Variants in INTS6 observed in about 807,000 individuals in gnomAD.
INTS6 encodes DEAD box protein.
INTS6 carries 16 observed loss-of-function variants against 104.9 expected under a neutral mutation model. The observed-to-expected ratio is 0.15, with a 90% confidence interval of 0.10 to 0.23. The LOEUF (loss-of-function observed/expected upper bound fraction) is 0.23, where lower values mean the gene tolerates loss of function less well. Among genes scored for constraint, INTS6 ranks in the 10% least tolerant of loss-of-function variants. INTS6 has a pLI of 1.00. For synonymous variants in INTS6, 324 were observed against 358.7 expected (o/e 0.90, Z 1.09); for missense variants, 584 against 1,062.8 (o/e 0.55, Z 6.26).
At chr13:51,420,690 T>C (rs116565287) in intron 4 of INTS6, among the ~76,000 whole-genome samples, 34 of 151,318 alleles carry the variant, frequency 2.2e-4, no homozygotes, top group African/African-American at 7.5e-4. Context: ...ACCCTGATAA[T>C]TGGTAATACC....
chr13:51,364,417 TA>T lies in INTS6; in HGVS notation c.*1334del. The T allele has an allele frequency of 2.0e-6, 1 of 492,110 alleles. No homozygotes were observed. The highest frequency in any genetic ancestry group is 3.5e-6 in the Non-Finnish European group (1 of 283,932). The allele number at this position is 492,110 out of a possible 1,614,324, so 30.5% of individuals were successfully genotyped here. ...TATGTGATTTTCAATATTATAAACC[TA>T]AAAATACTTCAGTTTTTAAATGTTA... On this transcript the variant is annotated 3_prime_UTR_variant, in exon 18 of 18. Transcript: ENST00000311234.
intron 4 of INTS6, among the ~76,000 whole-genome samples, chr13:51,399,676 T>A (rs1182765358): frequency 6.6e-6 from 1 of 151,998 alleles, no homozygotes; most frequent in East Asian, 1.9e-4. Flanking sequence ...AACACTTAGT[T>A]TTGGCTGTCT....
chr13:51,396,639 G>A (rs554157332), intron 4 of INTS6, among the ~76,000 whole-genome samples: 60 of 152,196 alleles, frequency 3.9e-4, no homozygotes, highest in African/African-American at 1.4e-3. Context: ...GAAAAGATTC[G>A]ACCTGAATTG....
At chr13:51,426,500 G>T (rs9568594) in intron 4 of INTS6, among the ~76,000 whole-genome samples, 11,364 of 151,962 alleles carry the variant, frequency 0.075, 620 homozygotes, top group African/African-American at 0.15. Flanking sequence ...CTATAAAAAT[G>T]CACATTATAC....
downstream of INTS6, among the ~76,000 whole-genome samples, chr13:51,361,081 GAGTC>G: frequency 6.6e-6 from 1 of 151,964 alleles, no homozygotes; most frequent in Non-Finnish European, 1.5e-5. Flanking sequence ...GTAACATATT[GAGTC>G]TTAAGAATTT....
At chr13:51,432,344 A>G (rs1364980172) in intron 3 of INTS6, among the ~76,000 whole-genome samples, 1 of 152,192 alleles carries the variant, frequency 6.6e-6, no homozygotes, top group Non-Finnish European at 1.5e-5. Context: ...TAATTTAAAT[A>G]TGAATTTAAA....
chr13:51,351,612 A>C (rs372342246), downstream of INTS6, among the ~76,000 whole-genome samples: 1 of 152,068 alleles, frequency 6.6e-6, no homozygotes, highest in East Asian at 1.9e-4. Context: ...GTGTCCTTTG[A>C]AGCACAAAAG....
chr13:51,343,005 C>T, the INTS6 span, among the ~76,000 whole-genome samples: 276 of 152,240 alleles, frequency 1.8e-3, 1 homozygote, highest in Middle Eastern at 0.02. Flanking sequence ...TACTATTGTC[C>T]TCTGCAGCCT....
downstream of INTS6, among the ~76,000 whole-genome samples, chr13:51,352,200 G>A (rs1266047025): frequency 6.6e-6 from 1 of 152,072 alleles, no homozygotes. Flanking sequence ...AATTTGGTGA[G>A]TATTACTTTC....
At chr13:51,423,081 T>G (rs1956924033) in intron 4 of INTS6, 1 of 1,280,934 alleles carries the variant, frequency 7.8e-7, no homozygotes, top group Non-Finnish European at 1.0e-6. Flanking sequence ...CATCTGTGTG[T>G]CCCCAGTACC....
At position 51,369,005 on chromosome 13, in the gene INTS6, T is replaced by G; in HGVS notation, c.2410A>C (p.Ser804Arg). ...AGTTCAGTATTGACCTCTTCATGGCTTCTGCAATGCATCAATTTCTTTCCT... is the reference window on the plus strand; with the variant it reads ...AGTTCAGTATTGACCTCTTCATGGCGTCTGCAATGCATCAATTTCTTTCCT... ...NKGKKLMHCR[S>R]HEEVNTELKA... The change falls in exon 16 of 18, where the codon AGC becomes CGC. Residue 804 changes from serine to arginine, a missense_variant. Physicochemically the swap from Ser to Arg is moderately radical, Grantham distance 110 (BLOSUM62 -1). Around this residue, in one of 5 missense-constraint regions of INTS6, gnomAD observed 296 missense variants for 437.0 expected, o/e 0.68. Transcript: ENST00000311234. 1 of 1,613,832 alleles carries G rather than the reference T, an allele frequency of 6.2e-7. No individual in the cohort carries two copies. Among genetic ancestry groups the G allele is most frequent in the Non-Finnish European group, 8.5e-7 (1 of 1,179,808 alleles).
At position 51,383,466 on chromosome 13, in the gene INTS6, TA is replaced by T. The variant is rs758133239; in HGVS notation, c.1048-6del. ...TGCACTATTGCTCACGTACACCTGTTAAAAAGGAGCGGTTAAAACTTTAATA... is the reference window on the plus strand; with the variant it reads ...TGCACTATTGCTCACGTACACCTGTTAAAAGGAGCGGTTAAAACTTTAATA... On this transcript the variant is annotated splice_region_variant and splice_polypyrimidine_tract_variant and intron_variant, in intron 8 of 17. Coordinates refer to ENST00000311234, the MANE Select transcript of INTS6 (RefSeq NM_012141.3). 4 of 1,610,578 alleles carry T rather than the reference TA, an allele frequency of 2.5e-6. No individual in the cohort carries two copies. The South Asian group carries it at 4.4e-5, about 18-fold the overall frequency.
chr13:51,386,103 C>A (rs889624479), intron 7 of INTS6, among the ~76,000 whole-genome samples: 1 of 152,158 alleles, frequency 6.6e-6, no homozygotes, highest in Non-Finnish European at 1.5e-5. Context: ...CTCCTCTAAA[C>A]ATACCTTGTT....
downstream of INTS6, among the ~76,000 whole-genome samples, chr13:51,359,218 AG>A (rs1955524566): frequency 6.6e-6 from 1 of 152,054 alleles, no homozygotes; most frequent in Non-Finnish European, 1.5e-5. Flanking sequence ...CTTGACTTCT[AG>A]GTTCATTTCA....
chr13:51,334,721 C>T, the INTS6 span, among the ~76,000 whole-genome samples: 1 of 152,244 alleles, frequency 6.6e-6, no homozygotes, highest in South Asian at 2.1e-4. Flanking sequence ...GTGGCTCACG[C>T]CTGTAATCCC....
chr13:51,450,202 T>C (rs1953006356), intron 3 of INTS6: 1 of 984,908 alleles, frequency 1.0e-6, no homozygotes, highest in Non-Finnish European at 1.2e-6. Context: ...GGAAATAATA[T>C]TCCTTTGTTA....
intron 3 of INTS6, chr13:51,355,023 GGTTT>G: frequency 1.6e-6 from 2 of 1,236,816 alleles, no homozygotes; most frequent in Non-Finnish European, 2.3e-6. Context: ...GAAAGTTGAT[GGTTT>G]GTTTTTGCCT....
At chr13:51,368,730 C>A (rs1047507593) in intron 16 of INTS6, among the ~76,000 whole-genome samples, 3 of 152,162 alleles carry the variant, frequency 2.0e-5, no homozygotes, top group South Asian at 4.2e-4. Flanking sequence ...GCTCTCAGTC[C>A]CTGCTGCCTA....
intron 9 of INTS6, 127 bp downstream of exon 9, chr13:51,383,202 G>T (rs989057594): frequency 1.4e-6 from 1 of 738,226 alleles, no homozygotes; most frequent in Non-Finnish European, 2.0e-6. Context: ...TCTTAAAGAT[G>T]TTCAACATTT....
Sources: allele counts gnomAD v4.1 joint callset (sites outside exome capture counted in the v4.1 genomes callset), GRCh38; gene constraint gnomAD v4.1.1; regional missense constraint gnomAD v4.1.1; transcripts MANE v1.5; gene names NCBI Gene and HGNC (gene_info 2026-07-23, HGNC 2026-07-21).